The following FREM2 variants were observed in gnomAD, a reference collection of about 807,000 sequenced individuals.
The protein encoded by FREM2 is FRAS1-related extracellular matrix protein 2.
In FREM2, 119 loss-of-function variants were observed where a neutral mutation model predicts 219.9. The observed-to-expected ratio is 0.54, with a 90% CI of 0.47 to 0.63. The LOEUF is 0.63. Ranked by LOEUF, FREM2 falls within the 30% of genes least tolerant of loss-of-function variation. FREM2 has a pLI of 0.00. For synonymous variants in FREM2, 1,562 were observed against 1,522.8 expected (o/e 1.03, Z -0.60); for missense variants, 4,030 against 3,993.6 (o/e 1.01, Z -0.25).
intron 2 of FREM2, among the ~76,000 whole-genome samples, chr13:38,722,598 C>T (rs1871327191): frequency 6.6e-6 from 1 of 151,824 alleles, no homozygotes; most frequent in African/African-American, 2.4e-5. Flanking sequence ...ATTGAGGGGC[C>T]CCACCCCAGA....
At chr13:38,867,886 G>A (rs1276324141) in intron 16 of FREM2, among the ~76,000 whole-genome samples, 1 of 152,216 alleles carries the variant, frequency 6.6e-6, no homozygotes, top group African/African-American at 2.4e-5. Flanking sequence ...TACATTGAGT[G>A]AGGATGGGTC....
chr13:38,778,529 A>AGTGGTATTATATG lies in FREM2; in HGVS notation c.5642-4541_5642-4540insGTGGTATTATATG, dbSNP rs1873970022. On this transcript the variant is annotated intron_variant, in intron 4 of 23. Transcript: ENST00000280481. ...ATCTCCTAATACCACTGCCTTGGGGATTAGGGCTTCAACATATAATACAGG... is the reference window on the plus strand; with the variant it reads ...ATCTCCTAATACCACTGCCTTGGGGAGTGGTATTATATGTTAGGGCTTCAACATATAATACAGG... Among the ~76,000 whole-genome samples the AGTGGTATTATATG allele has an allele frequency of 3.3e-5, 5 of 152,278 alleles. No homozygotes were observed. In the South Asian group the frequency reaches 1.0e-3, roughly 32 times the overall value.
chr13:38,771,721 T>C (rs1328675902), intron 4 of FREM2, among the ~76,000 whole-genome samples: 1 of 152,180 alleles, frequency 6.6e-6, no homozygotes, highest in East Asian at 1.9e-4. Context: ...AATCCTTGGA[T>C]AACTGATAAG....
intron 4 of FREM2, among the ~76,000 whole-genome samples, chr13:38,773,323 A>T (rs1873742693): frequency 6.6e-6 from 1 of 152,120 alleles, no homozygotes; most frequent in Non-Finnish European, 1.5e-5. Flanking sequence ...CTCTGCGATC[A>T]ATAGAGCTGA....
rs1878602407 is a variant in FREM2 at position 38,883,060 on chromosome 13, T to C, written c.*2273T>C. The stretch of plus-strand genomic sequence containing the variant: ...TGGAGAGCTTATAAAATGCAGAACA[T>C]TTCTATCCTATCCTACCAAATATTT... On this transcript the variant is annotated 3_prime_UTR_variant, in exon 24 of 24. Transcript: ENST00000280481. 1 of 152,114 alleles carries C rather than the reference T, an allele frequency of 6.6e-6. No homozygotes were observed. The highest frequency in any genetic ancestry group is 2.1e-4 in the South Asian group (1 of 4,826). 9.4% of individuals were successfully genotyped at this position (152,114 alleles called of 1,614,324 possible).
At chr13:38,758,022 A>G (rs190281140) in intron 2 of FREM2, among the ~76,000 whole-genome samples, 25 of 152,328 alleles carry the variant, frequency 1.6e-4, no homozygotes, top group African/African-American at 5.5e-4. Context: ...TAGAACAATT[A>G]TCATAAGCAG....
intron 9 of FREM2, 112 bp from the exon 10 acceptor site, chr13:38,850,832 A>T: frequency 8.6e-7 from 1 of 1,163,394 alleles, no homozygotes; most frequent in Non-Finnish European, 1.3e-6. Context: ...AACACTATTT[A>T]TTGCACTGAT....
At chr13:38,798,741 AG>A (rs1874890833) in intron 6 of FREM2, among the ~76,000 whole-genome samples, 1 of 151,884 alleles carries the variant, frequency 6.6e-6, no homozygotes, top group Admixed American at 6.6e-5. Flanking sequence ...TAGGTTTTCC[AG>A]TTTGTTTGTT....
At chr13:38,764,252 A>G (rs2137809155) in intron 2 of FREM2, 52 bp from the exon 3 acceptor site, 1 of 1,266,136 alleles carries the variant, frequency 7.9e-7, no homozygotes, top group South Asian at 1.2e-5. Flanking sequence ...AATTTTGAAG[A>G]TCACTCATTC....
chr13:38,853,859 A>C (rs1387209306), intron 11 of FREM2, among the ~76,000 whole-genome samples: 1 of 152,196 alleles, frequency 6.6e-6, no homozygotes, highest in Non-Finnish European at 1.5e-5. Flanking sequence ...AATATTGATA[A>C]CATGACTTTT....
intron 4 of FREM2, among the ~76,000 whole-genome samples, chr13:38,774,557 A>G (rs1873798989): frequency 6.6e-6 from 1 of 152,200 alleles, no homozygotes; most frequent in Admixed American, 6.5e-5. Flanking sequence ...CTTCTAGGAT[A>G]AAGATTCTTA....
chr13:38,794,332 C>A (rs1410032572), intron 6 of FREM2, among the ~76,000 whole-genome samples: 1 of 152,184 alleles, frequency 6.6e-6, no homozygotes, highest in Non-Finnish European at 1.5e-5. Context: ...AAGAACCAAA[C>A]ACATCTCAGT....
At chr13:38,708,449 T>A (rs1204083443) in intron 2 of FREM2, among the ~76,000 whole-genome samples, 1 of 151,960 alleles carries the variant, frequency 6.6e-6, no homozygotes, top group Non-Finnish European at 1.5e-5. Flanking sequence ...AGGTCAGGGG[T>A]TCGAGACCAG....
At chr13:38,876,685 G>A (rs1345033895) in intron 20 of FREM2, among the ~76,000 whole-genome samples, 1 of 151,974 alleles carries the variant, frequency 6.6e-6, no homozygotes, top group African/African-American at 2.4e-5. Flanking sequence ...AATTTTCCCC[G>A]CACTTCTGCA....
At chr13:38,770,037 A>G (rs1440982581) in intron 4 of FREM2, among the ~76,000 whole-genome samples, 2 of 148,200 alleles carry the variant, frequency 1.3e-5, no homozygotes, top group Non-Finnish European at 3.0e-5. Flanking sequence ...AAATATTTAT[A>G]TAGTATATAT....
intron 6 of FREM2, among the ~76,000 whole-genome samples, chr13:38,824,173 A>C (rs1876180610): frequency 6.6e-6 from 1 of 152,056 alleles, no homozygotes; most frequent in African/African-American, 2.4e-5. Context: ...TTATGTAGAG[A>C]AGAAAGAGTG....
In FREM2 at chr13:38,859,372, G is replaced by T. The variant is rs775757680; in HGVS notation, c.7301G>T (p.Arg2434Leu). The T allele has an allele frequency of 1.9e-6, 3 of 1,614,022 alleles. No individual in the cohort carries two copies. Among genetic ancestry groups the T allele is most frequent in the Non-Finnish European group, 2.5e-6 (3 of 1,180,004 alleles). ...ENINDTLTRY[R>L]WLISAPAGPD... is the part of the protein sequence containing the mutation. ...ATCAATGACACTTTGACGCGGTACCGGTGGCTGATTAGTGCACCTGCGGGC... is the reference window on the plus strand; with the variant it reads ...ATCAATGACACTTTGACGCGGTACCTGTGGCTGATTAGTGCACCTGCGGGC... The change falls in exon 14 of 24, where the codon CGG (arginine) becomes CTG (leucine). Residue 2434 changes from arginine to leucine, a missense_variant. Physicochemically the swap from Arg to Leu is moderately radical, Grantham distance 102. Around this residue, in one of 2 missense-constraint regions of FREM2, gnomAD observed 928 missense variants for 1,042.9 expected, o/e 0.89. Transcript: ENST00000280481.
chr13:38,856,197 AT>A lies in FREM2; in HGVS notation c.6998del (p.Met2333ArgfsTer9). 1 of 1,612,698 alleles carries A rather than the reference AT, an allele frequency of 6.2e-7. No homozygotes were observed. Among genetic ancestry groups the A allele is most frequent in the Non-Finnish European group, 8.5e-7 (1 of 1,178,786 alleles). On this transcript the variant is annotated frameshift_variant, in exon 12 of 24. Transcript: ENST00000280481. LOFTEE classifies it high-confidence loss of function. ...IEVTFDGVRE[M>X]REAFTVHLKP... The stretch of plus-strand genomic sequence containing the variant: ...AGTTACCTTTGACGGGGTGAGAGAG[AT>A]GAGAGAGGCCTTCACTGTTCACCTA...
At chr13:38,767,250 G>C (rs1873473361) in intron 3 of FREM2, among the ~76,000 whole-genome samples, 1 of 152,134 alleles carries the variant, frequency 6.6e-6, no homozygotes, top group Admixed American at 6.5e-5. Context: ...TAACCACTTT[G>C]TTATTTTTCT....
Sources: gnomAD v4.1 joint callset for allele counts (sites outside exome capture counted in the v4.1 genomes callset) on GRCh38, gnomAD v4.1.1 for gene constraint, gnomAD v4.1.1 regional missense constraint, MANE v1.5 for transcripts, NCBI Gene and HGNC (gene_info 2026-07-23, HGNC 2026-07-21) for gene names.